PHF24: variants seen among roughly 807,000 people sequenced by gnomAD.
PHF24 encodes the protein PHD finger protein 24.
Under a neutral mutation model 42.6 loss-of-function variants are expected in PHF24, and 25 were observed. The observed-to-expected ratio is 0.59, with a 90% CI of 0.43 to 0.82. PHF24 has a LOEUF of 0.82. PHF24 is among the 40% of genes least tolerant of loss of function. PHF24 has a pLI of 0.00. For synonymous variants in PHF24, 185 were observed against 204.8 expected (o/e 0.90, Z 0.83); for missense variants, 470 against 538.1 (o/e 0.87, Z 1.25).
the PHF24 span, among the ~76,000 whole-genome samples, chr9:34,706,002 A>G: frequency 1.3e-5 from 2 of 152,188 alleles, no homozygotes; most frequent in African/African-American, 2.4e-5. Flanking sequence ...AATCCATCTC[A>G]TATGATGAAG....
the PHF24 span, among the ~76,000 whole-genome samples, chr9:34,883,942 A>ATAGC: frequency 1.3e-5 from 2 of 152,254 alleles, no homozygotes; most frequent in African/African-American, 4.8e-5. Flanking sequence ...ACTATTCACA[A>ATAGC]TAGCAAAGAC....
At chr9:34,665,930 C>T in the PHF24 span, 1 of 542,372 alleles carries the variant, frequency 1.8e-6, no homozygotes, top group Admixed American at 3.4e-5. Context: ...GGTCATGGGG[C>T]TGGGAGATTT....
chr9:34,795,259 G>GAA, the PHF24 span, among the ~76,000 whole-genome samples: 1 of 144,220 alleles, frequency 6.9e-6, no homozygotes, highest in African/African-American at 2.6e-5. Flanking sequence ...GAGAGAGAGA[G>GAA]AAAAAAAAAA....
the PHF24 span, chr9:34,709,175 G>T: frequency 1.2e-5 from 7 of 606,718 alleles, no homozygotes; most frequent in Admixed American, 1.2e-4. Context: ...CTCCCTCCTC[G>T]GTCTCTCTGG....
At chr9:34,861,754 G>A in the PHF24 span, among the ~76,000 whole-genome samples, 17 of 152,300 alleles carry the variant, frequency 1.1e-4, no homozygotes, top group South Asian at 4.2e-4. Flanking sequence ...ATTGACATTG[G>A]AAAATTTATA....
At chr9:34,816,627 A>T in the PHF24 span, among the ~76,000 whole-genome samples, 1 of 151,790 alleles carries the variant, frequency 6.6e-6, no homozygotes, top group South Asian at 2.1e-4. Flanking sequence ...TTCTCTGGGG[A>T]CTCTTTTATA....
the PHF24 span, among the ~76,000 whole-genome samples, chr9:34,717,385 G>A: frequency 7.2e-5 from 11 of 152,096 alleles, no homozygotes; most frequent in Non-Finnish European, 1.5e-4. Context: ...CGAGGATAAC[G>A]TGGACTAAGT....
the PHF24 span, among the ~76,000 whole-genome samples, chr9:34,881,979 C>G: frequency 0.014 from 2,109 of 152,248 alleles, 19 homozygotes; most frequent in Non-Finnish European, 0.02. Context: ...TACTGGCAAA[C>G]CAAATCCAGC....
At chr9:34,822,724 G>T in the PHF24 span, among the ~76,000 whole-genome samples, 1 of 152,152 alleles carries the variant, frequency 6.6e-6, no homozygotes, top group Non-Finnish European at 1.5e-5. Flanking sequence ...CATTACATCA[G>T]TTCCTAAATA....
chr9:34,761,541 C>A, the PHF24 span, among the ~76,000 whole-genome samples: 9 of 152,052 alleles, frequency 5.9e-5, no homozygotes, highest in African/African-American at 2.2e-4. Context: ...ATCTCTGAGA[C>A]TTGGTAAGGG....
the PHF24 span, among the ~76,000 whole-genome samples, chr9:34,770,651 A>G: frequency 1.2e-4 from 18 of 152,156 alleles, no homozygotes; most frequent in East Asian, 1.3e-3. Flanking sequence ...ACAAAAAAAC[A>G]CCAGAAAGAT....
At chr9:34,704,942 A>G in the PHF24 span, among the ~76,000 whole-genome samples, 1 of 152,244 alleles carries the variant, frequency 6.6e-6, no homozygotes. Context: ...CTTTTAAAGC[A>G]ATAAATTGCT....
the PHF24 span, among the ~76,000 whole-genome samples, chr9:34,881,742 T>G: frequency 6.6e-6 from 1 of 151,980 alleles, no homozygotes; most frequent in South Asian, 2.1e-4. Flanking sequence ...CAAAAAAAAG[T>G]CCAGGACCAG....
chr9:34,894,411 G>A, the PHF24 span: 12 of 398,556 alleles, frequency 3.0e-5, no homozygotes, highest in South Asian at 7.6e-4. Flanking sequence ...CAGACTAGCA[G>A]CTGGGAGACT....
At chr9:34,827,676 C>T in the PHF24 span, among the ~76,000 whole-genome samples, 4 of 152,272 alleles carry the variant, frequency 2.6e-5, no homozygotes, top group South Asian at 4.1e-4. Flanking sequence ...TAGCTCTTGG[C>T]TCCTCTGTGG....
the PHF24 span, among the ~76,000 whole-genome samples, chr9:34,840,814 G>T: frequency 6.6e-6 from 1 of 151,702 alleles, no homozygotes; most frequent in African/African-American, 2.4e-5. Context: ...TGAATAGTTC[G>T]TATAATTTTG....
At chr9:34,910,989 A>AT in the PHF24 span, among the ~76,000 whole-genome samples, 4 of 151,846 alleles carry the variant, frequency 2.6e-5, no homozygotes, top group Admixed American at 2.0e-4. Context: ...CACCTGACTA[A>AT]TTTTTTTGAT....
the PHF24 span, among the ~76,000 whole-genome samples, chr9:34,863,761 G>C: frequency 3.3e-5 from 5 of 152,080 alleles, no homozygotes; most frequent in East Asian, 9.6e-4. Flanking sequence ...AAGCATCAAG[G>C]CCATCCAGGA....
the PHF24 span, among the ~76,000 whole-genome samples, chr9:34,802,041 A>AT: frequency 2.1e-4 from 32 of 152,196 alleles, no homozygotes; most frequent in Admixed American, 2.0e-3. Context: ...AAACCTGCAC[A>AT]TTCTGCACAT....
Sources: allele counts gnomAD v4.1 joint callset (sites outside exome capture counted in the v4.1 genomes callset), GRCh38; gene constraint gnomAD v4.1.1; transcripts MANE v1.5; gene names NCBI Gene and HGNC (gene_info 2026-07-23, HGNC 2026-07-21).